The following OSBPL9 variants were observed in gnomAD, a reference collection of about 807,000 sequenced individuals.
OSBPL9 encodes the protein oxysterol binding protein like 9.
OSBPL9 carries 40 observed loss-of-function variants against 106.6 expected under a neutral mutation model. The observed-to-expected ratio is 0.38, with a 90% CI of 0.29 to 0.49. The LOEUF is 0.49. Among genes scored for constraint, OSBPL9 ranks in the 20% least tolerant of loss-of-function variants. The probability of loss-of-function intolerance (pLI) is 0.97; values close to 1 mark genes in which losing one functional copy is unlikely to be tolerated. For synonymous variants in OSBPL9, 269 were observed against 295.4 expected (o/e 0.91, Z 0.92); for missense variants, 609 against 887.2 (o/e 0.69, Z 3.98).
chr1:51,561,923 A>G, the OSBPL9 span: 3 of 152,222 alleles, frequency 2.0e-5, no homozygotes, highest in Admixed American at 2.0e-4. Flanking sequence ...CACTAATGTT[A>G]TAATAGTGAC....
At chr1:51,533,418 G>A in the OSBPL9 span, among the ~76,000 whole-genome samples, 6 of 151,040 alleles carry the variant, frequency 4.0e-5, no homozygotes, top group African/African-American at 9.7e-5. Flanking sequence ...TCCAGGAGGC[G>A]GAGGTTTCGG....
intron 4 of OSBPL9, among the ~76,000 whole-genome samples, chr1:51,728,834 C>G (rs373491124): frequency 6.6e-6 from 1 of 152,140 alleles, no homozygotes; most frequent in East Asian, 1.9e-4. Flanking sequence ...CAGCATCGCG[C>G]TGTTTGTGCA....
rs150444462 is a variant in OSBPL9, at chr1:51,787,883, A to T, written c.*94A>T. 8.8e-7 allele frequency: 1 copy of T among 1,131,182 alleles called. No homozygotes were observed. The highest frequency in any genetic ancestry group is 1.3e-6 in the Non-Finnish European group (1 of 752,144). The allele number at this position is 1,131,182 out of a possible 1,614,324, so 70.1% of individuals were successfully genotyped here. Reference sequence around the variant, plus strand: ...CTTTGGGAGAAACCTGTTCATTCCAATCTTCTAATTACAGTGGTTCCTATC... The same window carrying T: ...CTTTGGGAGAAACCTGTTCATTCCATTCTTCTAATTACAGTGGTTCCTATC... On this transcript the variant is annotated 3_prime_UTR_variant, in exon 24 of 24. Transcript: ENST00000428468.
intron 2 of OSBPL9, among the ~76,000 whole-genome samples, chr1:51,599,352 C>T (rs1645316963): frequency 6.6e-6 from 1 of 152,140 alleles, no homozygotes; most frequent in East Asian, 1.9e-4. Flanking sequence ...GTTACATTCC[C>T]ATGGAGTCTG....
intron 3 of OSBPL9, among the ~76,000 whole-genome samples, chr1:51,711,201 C>T (rs865931767): frequency 3.3e-5 from 5 of 151,532 alleles, no homozygotes; most frequent in South Asian, 4.2e-4. Flanking sequence ...CATCCTGGCC[C>T]GTTCTCAATG....
At chr1:51,721,697 C>T (rs1263378733) in intron 4 of OSBPL9, among the ~76,000 whole-genome samples, 1 of 152,156 alleles carries the variant, frequency 6.6e-6, no homozygotes, top group Non-Finnish European at 1.5e-5. Flanking sequence ...ATCGGTTTAT[C>T]ACAACTGTAT....
chr1:51,628,114 A>C (rs529626619), intron 1 of OSBPL9, among the ~76,000 whole-genome samples: 1 of 152,170 alleles, frequency 6.6e-6, no homozygotes, highest in Admixed American at 6.5e-5. Context: ...TTTTAAAAGA[A>C]GAGTCAAACT....
the OSBPL9 span, among the ~76,000 whole-genome samples, chr1:51,543,637 CA>C: frequency 2.6e-4 from 39 of 152,302 alleles, no homozygotes; most frequent in South Asian, 6.2e-3. Context: ...CCTCGTGATC[CA>C]CCCGCCTCAG....
intron 23 of OSBPL9, 43 bp from the exon 24 acceptor site, chr1:51,787,672 A>G (rs1435052889): frequency 6.2e-7 from 1 of 1,602,946 alleles, no homozygotes; most frequent in Non-Finnish European, 8.5e-7. Flanking sequence ...TTACAGAAGT[A>G]CAAAGCAAAT....
At position 51,789,097 on chromosome 1, in the gene OSBPL9, A is replaced by G; in HGVS notation, c.*1308A>G. 1.2e-6 allele frequency: 1 copy of G among 823,970 alleles called. No homozygotes were observed. The highest frequency in any genetic ancestry group is 2.0e-6 in the Non-Finnish European group (1 of 512,148). The allele number at this position is 823,970 out of a possible 1,614,324, so 51.0% of individuals were successfully genotyped here. On this transcript the variant is annotated 3_prime_UTR_variant, in exon 24 of 24. Transcript: ENST00000428468. ...GGGTTTATTAGTCTCAACAAAGGATAAAAAGTAAATCAAATGCTATGATGC... is the reference window on the plus strand; with the variant it reads ...GGGTTTATTAGTCTCAACAAAGGATGAAAAGTAAATCAAATGCTATGATGC...
intron 7 of OSBPL9, 27 bp downstream of exon 7, chr1:51,748,425 A>G (rs758145739): frequency 6.9e-7 from 1 of 1,457,076 alleles, no homozygotes; most frequent in South Asian, 1.5e-5. Flanking sequence ...ATACATTCTG[A>G]CTTTGCATTA....
At position 51,586,250 on chromosome 1, in the gene OSBPL9, A is replaced by G. The variant is rs1302000622; in HGVS notation, c.-423+8994A>G. On this transcript the variant is annotated intron_variant, in intron 1 of 25. Coordinates refer to the OSBPL9 transcript ENST00000371714. ...GTTCATTGTAGAAAATAATGAAAAA[A>G]TTAAACTAATCTGAAATTCCATTAT... Among the ~76,000 whole-genome samples, 6 of 152,112 alleles carry G rather than the reference A, an allele frequency of 3.9e-5. No homozygotes were observed. The East Asian group carries it at 1.2e-3, about 29-fold the overall frequency.
intron 4 of OSBPL9, among the ~76,000 whole-genome samples, chr1:51,743,970 G>T (rs745704832): frequency 6.6e-5 from 10 of 151,544 alleles, no homozygotes; most frequent in Admixed American, 1.3e-4. Context: ...TGTTTATTAA[G>T]ATTTTTTTTT....
chr1:51,701,934 G>A (rs1272290694), intron 3 of OSBPL9, among the ~76,000 whole-genome samples: 1 of 152,152 alleles, frequency 6.6e-6, no homozygotes, highest in Non-Finnish European at 1.5e-5. Flanking sequence ...TGCTGAGAAT[G>A]ATGGTTTCCA....
chr1:51,662,635 A>G (rs962856583), intron 2 of OSBPL9, among the ~76,000 whole-genome samples: 2 of 152,188 alleles, frequency 1.3e-5, no homozygotes, highest in African/African-American at 4.8e-5. Flanking sequence ...CAGCAACTTA[A>G]TCGAGCATAT....
chr1:51,640,139 C>T (rs1299059339), intron 1 of OSBPL9, among the ~76,000 whole-genome samples: 1 of 152,086 alleles, frequency 6.6e-6, no homozygotes, highest in African/African-American at 2.4e-5. Context: ...CCATTCTTTG[C>T]TTTATAAAAG....
chr1:51,539,499 C>T, the OSBPL9 span, among the ~76,000 whole-genome samples: 1 of 152,108 alleles, frequency 6.6e-6, no homozygotes, highest in Non-Finnish European at 1.5e-5. Context: ...TCCTTTTATG[C>T]CCCCACATTC....
intron 1 of OSBPL9, among the ~76,000 whole-genome samples, chr1:51,597,033 T>C (rs2148602879): frequency 6.6e-6 from 1 of 152,268 alleles, no homozygotes; most frequent in African/African-American, 2.4e-5. Flanking sequence ...GGTGACACTT[T>C]GGTTGCCATG....
At chr1:51,532,309 A>G in the OSBPL9 span, among the ~76,000 whole-genome samples, 1 of 152,160 alleles carries the variant, frequency 6.6e-6, no homozygotes, top group Non-Finnish European at 1.5e-5. Flanking sequence ...CATTTTTTAG[A>G]AAGTGAACGG....
Sources: allele counts gnomAD v4.1 joint callset (sites outside exome capture counted in the v4.1 genomes callset), GRCh38; gene constraint gnomAD v4.1.1; transcripts MANE v1.5; gene names NCBI Gene and HGNC (gene_info 2026-07-23, HGNC 2026-07-21).